Variants in VWA8 observed in about 807,000 individuals in gnomAD.
VWA8 encodes the protein von Willebrand factor A domain containing 8, also known as von Willebrand factor A domain-containing protein 8.
A neutral mutation model predicts 241.5 loss-of-function variants in VWA8; 221 were observed. The ratio of observed to expected loss-of-function variants is 0.91; its 90% CI spans 0.82 to 1.02. The LOEUF (loss-of-function observed/expected upper bound fraction) is 1.02, where lower values mean the gene tolerates loss of function less well. VWA8 is among the 50% of genes least tolerant of loss of function. The pLI, the probability that VWA8 is intolerant of heterozygous loss-of-function variation, is 0.00. For synonymous variants in VWA8, 852 were observed against 827.1 expected (o/e 1.03, Z -0.52); for missense variants, 2,322 against 2,328.7 (o/e 1.00, Z 0.06).
At chr13:41,777,853 G>A in intron 20 of VWA8, 132 bp downstream of exon 20, 2 of 683,638 alleles carry the variant, frequency 2.9e-6, no homozygotes, top group Non-Finnish European at 2.4e-6. Flanking sequence ...GAAGGTAGCA[G>A]AGTCTCATCC....
At chr13:41,709,448 G>A (rs575812832) in intron 26 of VWA8, among the ~76,000 whole-genome samples, 1 of 152,262 alleles carries the variant, frequency 6.6e-6, no homozygotes, top group Admixed American at 6.5e-5. Context: ...AAACCAAAAA[G>A]GAGTCTTTTT....
At chr13:41,913,768 T>G (rs1452353111) in intron 2 of VWA8, among the ~76,000 whole-genome samples, 2 of 152,232 alleles carry the variant, frequency 1.3e-5, no homozygotes, top group Non-Finnish European at 2.9e-5. Flanking sequence ...CCAAAACAAA[T>G]GCCCATATGT....
chr13:41,717,790 A>G (rs1313511050), intron 26 of VWA8, among the ~76,000 whole-genome samples: 1 of 152,056 alleles, frequency 6.6e-6, no homozygotes, highest in Non-Finnish European at 1.5e-5. Flanking sequence ...ATCTCCTTCT[A>G]AAAGGAAAAT....
At chr13:41,889,488 C>G (rs766149284) in intron 5 of VWA8, among the ~76,000 whole-genome samples, 2 of 151,906 alleles carry the variant, frequency 1.3e-5, no homozygotes, top group Admixed American at 6.6e-5. Flanking sequence ...AAGCGATTCT[C>G]CTGCCTCAGC....
At chr13:41,630,241 G>A (rs1011206626) in intron 37 of VWA8, among the ~76,000 whole-genome samples, 1 of 151,538 alleles carries the variant, frequency 6.6e-6, no homozygotes, top group African/African-American at 2.4e-5. Context: ...CCTGTCTTCT[G>A]GCATAGAAAG....
rs537962617 is a variant in VWA8, at chr13:41,837,611, T to C, written c.1426-4080A>G. 4.4e-4 allele frequency among the ~76,000 whole-genome samples: 67 copies of C among 152,344 alleles called. 1 individual carries two copies. Among genetic ancestry groups the C allele is most frequent in the Non-Finnish European group, 4.4e-5 (3 of 68,026 alleles). ...TATTTGGTTTGTAGTACCATGAAAT[T>C]ATTGTTTTAATATCTTTAACAGACA... On this transcript the variant is annotated intron_variant, in intron 12 of 44. Coordinates refer to ENST00000379310, the MANE Select transcript of VWA8 (RefSeq NM_015058.2).
chr13:41,610,472 T>A (rs1334824668), intron 39 of VWA8, among the ~76,000 whole-genome samples: 1 of 152,178 alleles, frequency 6.6e-6, no homozygotes, highest in East Asian at 1.9e-4. Flanking sequence ...GCCTCTAGCA[T>A]CAAGTGTGTT....
intron 18 of VWA8, among the ~76,000 whole-genome samples, chr13:41,784,697 C>CATATACATATATATAT (rs1355266984): frequency 7.0e-5 from 4 of 57,032 alleles, no homozygotes; most frequent in African/African-American, 1.7e-4. Flanking sequence ...TATACATATA[C>CATATACATATATATAT]ATATATATAT....
intron 40 of VWA8, among the ~76,000 whole-genome samples, chr13:41,596,363 C>T (rs1246093694): frequency 6.6e-6 from 1 of 151,972 alleles, no homozygotes; most frequent in African/African-American, 2.4e-5. Context: ...AGGGGGAGCT[C>T]TTTAGAAAGT....
chr13:41,868,601 T>C, intron 9 of VWA8, 124 bp from the exon 10 acceptor site: 1 of 1,232,076 alleles, frequency 8.1e-7, no homozygotes, highest in Middle Eastern at 2.9e-4. Context: ...AAGTAGAGGT[T>C]AGGCCAAGGG....
chr13:41,570,872 T>C (rs1483408883), intron 43 of VWA8, among the ~76,000 whole-genome samples, 166 bp from the exon 44 acceptor site: 1 of 152,248 alleles, frequency 6.6e-6, no homozygotes, highest in African/African-American at 2.4e-5. Context: ...GTGACAACAG[T>C]ATACAGTGAT....
chr13:41,945,882 G>A (rs769176017), intron 2 of VWA8, among the ~76,000 whole-genome samples: 5 of 152,016 alleles, frequency 3.3e-5, no homozygotes, highest in South Asian at 2.1e-4. Context: ...TGCCAACTTC[G>A]ATGAAAAACA....
intron 4 of VWA8, among the ~76,000 whole-genome samples, chr13:41,896,513 T>C (rs899893000): frequency 6.6e-6 from 1 of 152,014 alleles, no homozygotes; most frequent in Non-Finnish European, 1.5e-5. Context: ...GCAAAAAATA[T>C]CTCAAACTAA....
chr13:41,742,736 C>T (rs1244809995), intron 21 of VWA8, among the ~76,000 whole-genome samples: 1 of 152,186 alleles, frequency 6.6e-6, no homozygotes, highest in African/African-American at 2.4e-5. Context: ...TACTTTATTT[C>T]AATGCCTAGC....
intron 12 of VWA8, among the ~76,000 whole-genome samples, chr13:41,861,568 C>G (rs938989548): frequency 2.0e-5 from 3 of 152,148 alleles, no homozygotes; most frequent in Admixed American, 6.6e-5. Context: ...CACCAAAAGG[C>G]TCCTAAAAGT....
chr13:41,743,454 C>T (rs1331094267), intron 21 of VWA8, among the ~76,000 whole-genome samples: 1 of 152,164 alleles, frequency 6.6e-6, no homozygotes, highest in African/African-American at 2.4e-5. Context: ...TCTTACAACC[C>T]TCTAATTGCT....
Position 41,885,963 on chromosome 13 carries a change from G to A in VWA8, c.932C>T (p.Pro311Leu), listed in dbSNP as rs189844979. The A allele has an allele frequency of 8.1e-6, 13 of 1,606,820 alleles. No homozygotes were observed. In the South Asian group the frequency reaches 9.0e-5, roughly 11 times the overall value. ...TGCTAAACTATCTAAAGGAAAGTCT[G>A]GAAGTCCAAGAGTAGAAGATTCTTG... ...CSQESSTLGL[P>L]DFPLDSLAAA... is the part of the protein sequence containing the mutation. The change falls in exon 8 of 45, where the codon CCA becomes CTA. Residue 311 changes from proline to leucine, a missense_variant. Coordinates refer to ENST00000379310, the MANE Select transcript of VWA8 (RefSeq NM_015058.2).
chr13:41,880,979 G>T (rs1306048131), intron 9 of VWA8, among the ~76,000 whole-genome samples: 2 of 152,120 alleles, frequency 1.3e-5, no homozygotes, highest in Admixed American at 6.6e-5. Flanking sequence ...TTGCCAAATG[G>T]TGTTTTTTCT....
At chr13:41,580,334 A>T (rs1566375101) in intron 42 of VWA8, among the ~76,000 whole-genome samples, 2 of 152,240 alleles carry the variant, frequency 1.3e-5, no homozygotes, top group Admixed American at 6.5e-5. Flanking sequence ...ATCTCCATGT[A>T]GCAATAAGAA....
Sources: allele counts gnomAD v4.1 joint callset (sites outside exome capture counted in the v4.1 genomes callset), GRCh38; gene constraint gnomAD v4.1.1; transcripts MANE v1.5; gene names NCBI Gene and HGNC (gene_info 2026-07-23, HGNC 2026-07-21).